TBC1D5: variants seen among roughly 807,000 people sequenced by gnomAD.
TBC1D5 encodes the protein TBC1 domain family, member 5.
Under a neutral mutation model 100.3 loss-of-function variants are expected in TBC1D5, and 75 were observed. That is an observed-to-expected ratio of 0.75 (90% confidence interval 0.62 to 0.91). The LOEUF (loss-of-function observed/expected upper bound fraction) is 0.91. Among genes scored for constraint, TBC1D5 ranks in the 40% least tolerant of loss-of-function variants. TBC1D5 has a pLI of 0.00. For missense variants in TBC1D5, 910 were observed against 942.4 expected (o/e 0.97, Z 0.45); for synonymous variants, 323 against 325.6 (o/e 0.99, Z 0.09).
At chr3:17,611,502 G>A (rs1006169691) in intron 2 of TBC1D5, among the ~76,000 whole-genome samples, 4 of 152,144 alleles carry the variant, frequency 2.6e-5, no homozygotes, top group African/African-American at 9.7e-5. Flanking sequence ...AGAATGTGAC[G>A]TTTACAGCAG....
At chr3:17,694,531 G>A (rs4909010) in intron 1 of TBC1D5, among the ~76,000 whole-genome samples, 86,793 of 151,896 alleles carry the variant, frequency 0.57, 25,597 homozygotes, top group East Asian at 0.99. Context: ...ACAAAGCAAG[G>A]AGACAGGGTT....
intron 13 of TBC1D5, among the ~76,000 whole-genome samples, chr3:17,330,502 A>C (rs1444444412): frequency 2.6e-5 from 4 of 151,820 alleles, no homozygotes; most frequent in Non-Finnish European, 5.9e-5. Context: ...CAAACCTCCC[A>C]ACCTGCCATT....
rs571015825 is a variant in TBC1D5 at position 17,266,320 on chromosome 3, T to C, written c.1246-7729A>G. 3.4e-3 allele frequency among the ~76,000 whole-genome samples: 519 copies of C among 152,306 alleles called. 4 individuals carry two copies. The highest frequency in any genetic ancestry group is 0.011 in the African/African-American group (473 of 41,572). On this transcript the variant is annotated intron_variant, in intron 15 of 21. Coordinates refer to ENST00000253692, the Ensembl canonical transcript of TBC1D5. ...TCAAAATTATTCCCTTTAAAATACA[T>C]ATGCACACTGTATCAATAAGGGATA...
At chr3:17,193,109 TA>T (rs1344867376) in intron 18 of TBC1D5, among the ~76,000 whole-genome samples, 2 of 152,212 alleles carry the variant, frequency 1.3e-5, no homozygotes, top group Non-Finnish European at 2.9e-5. Flanking sequence ...TTTATAAAGT[TA>T]AAAATTGCCT....
At chr3:17,313,923 G>A (rs1223139765) in intron 13 of TBC1D5, among the ~76,000 whole-genome samples, 2 of 152,124 alleles carry the variant, frequency 1.3e-5, no homozygotes, top group African/African-American at 4.8e-5. Context: ...TATTGCCTTT[G>A]ACCTCTTATC....
chr3:17,498,184 G>A (rs2095739132), intron 3 of TBC1D5, among the ~76,000 whole-genome samples: 1 of 151,910 alleles, frequency 6.6e-6, no homozygotes, highest in South Asian at 2.1e-4. Flanking sequence ...CTGCCCTTGT[G>A]CTTTCCTATA....
intron 13 of TBC1D5, among the ~76,000 whole-genome samples, chr3:17,360,807 T>C (rs980771048): frequency 6.6e-6 from 1 of 152,002 alleles, no homozygotes; most frequent in Non-Finnish European, 1.5e-5. Context: ...ATACTTCTCA[T>C]TAGAAGGTAA....
Position 17,726,464 on chromosome 3 carries a change from G to A in TBC1D5, c.-101+12879C>T, listed in dbSNP as rs78231193. Among the ~76,000 whole-genome samples, 457 of 152,288 alleles carry A rather than the reference G, an allele frequency of 3.0e-3. 2 individuals carry two copies. The highest frequency in any genetic ancestry group is 0.011 in the African/African-American group (440 of 41,550). On this transcript the variant is annotated intron_variant, in intron 1 of 21. Coordinates refer to ENST00000253692, the Ensembl canonical transcript of TBC1D5. Reference sequence around the variant, plus strand: ...GATTTGCATTTCCCTAATGATTAATGATGCTGAGCATTTATTCATATGCTT... The same window carrying A: ...GATTTGCATTTCCCTAATGATTAATAATGCTGAGCATTTATTCATATGCTT...
chr3:17,595,585 T>C (rs1172705178), intron 2 of TBC1D5, among the ~76,000 whole-genome samples: 1 of 152,206 alleles, frequency 6.6e-6, no homozygotes, highest in African/African-American at 2.4e-5. Context: ...ATTCTAAAAA[T>C]ATGCTTTAGG....
chr3:17,678,101 G>A (rs560353309), intron 1 of TBC1D5, among the ~76,000 whole-genome samples: 16 of 152,166 alleles, frequency 1.1e-4, no homozygotes, highest in African/African-American at 3.9e-4. Flanking sequence ...TAACAAACCT[G>A]CACGTTGTGC....
chr3:17,293,496 C>A (rs1388066896), intron 14 of TBC1D5, among the ~76,000 whole-genome samples: 1 of 152,110 alleles, frequency 6.6e-6, no homozygotes, highest in Non-Finnish European at 1.5e-5. Flanking sequence ...TTATTTGAAC[C>A]TTTCATCAAG....
chr3:17,285,417 C>A (rs867605077), intron 15 of TBC1D5, among the ~76,000 whole-genome samples: 2 of 151,050 alleles, frequency 1.3e-5, no homozygotes, highest in Non-Finnish European at 2.9e-5. Flanking sequence ...CCCGCTACCA[C>A]GCCCGGCTAA....
chr3:17,672,329 A>T (rs562212432), intron 1 of TBC1D5, among the ~76,000 whole-genome samples: 1 of 152,332 alleles, frequency 6.6e-6, no homozygotes, highest in African/African-American at 2.4e-5. Context: ...ACAAAATAAG[A>T]ATGTATTTTT....
intron 3 of TBC1D5, among the ~76,000 whole-genome samples, chr3:17,449,542 G>A (rs148084187): frequency 1.3e-5 from 2 of 152,270 alleles, no homozygotes; most frequent in Non-Finnish European, 2.9e-5. Context: ...ACTCAAGCTT[G>A]GTAGGGGAAG....
At chr3:17,327,826 T>G (rs1471593479) in intron 13 of TBC1D5, among the ~76,000 whole-genome samples, 2 of 152,180 alleles carry the variant, frequency 1.3e-5, no homozygotes, top group Non-Finnish European at 2.9e-5. Flanking sequence ...ATGTGGTTTT[T>G]TTTCCCCATT....
At position 17,538,746 on chromosome 3, in the gene TBC1D5, A is replaced by C. The variant is rs1048107193; in HGVS notation, c.-35-30141T>G. ...ACTTGTCAACAGAGTTTACCTAAAG[A>C]CTAGAAACCCAGTCGGGCATGGTGG... On this transcript the variant is annotated intron_variant, in intron 2 of 21. Transcript: ENST00000253692. Among the ~76,000 whole-genome samples the C allele has an allele frequency of 2.0e-5, 3 of 152,182 alleles. No individual in the cohort carries two copies. The East Asian group carries it at 5.8e-4, about 29-fold the overall frequency.
At position 17,438,059 on chromosome 3, in the gene TBC1D5, G is replaced by A. The variant is rs143450983; in HGVS notation, c.98-9540C>T. On this transcript the variant is annotated intron_variant, in intron 3 of 21. Coordinates refer to ENST00000253692, the Ensembl canonical transcript of TBC1D5. ...TACTATGTGCTCTTTATTAGGGGAG[G>A]GTGCAGGCTCCAGATGTTAAGCACA... Among the ~76,000 whole-genome samples the A allele has an allele frequency of 3.5e-3, 531 of 152,138 alleles. 4 individuals are homozygous for A. The highest frequency in any genetic ancestry group is 0.012 in the African/African-American group (504 of 41,500).
At chr3:17,611,952 GAAT>G (rs773037290) in intron 2 of TBC1D5, among the ~76,000 whole-genome samples, 3 of 152,082 alleles carry the variant, frequency 2.0e-5, no homozygotes, top group Non-Finnish European at 4.4e-5. Flanking sequence ...ACTCTATTCT[GAAT>G]ATTATTTGTT....
intron 4 of TBC1D5, among the ~76,000 whole-genome samples, chr3:17,424,960 T>C (rs1195411119): frequency 6.6e-6 from 1 of 152,218 alleles, no homozygotes; most frequent in Non-Finnish European, 1.5e-5. Context: ...TAACCTGAAA[T>C]ATATGTCAGA....
Sources: gnomAD v4.1 joint callset for allele counts (sites outside exome capture counted in the v4.1 genomes callset) on GRCh38, gnomAD v4.1.1 for gene constraint, MANE v1.5 for transcripts, NCBI Gene and HGNC (gene_info 2026-07-23, HGNC 2026-07-21) for gene names.